The following RPS6KC1 variants were observed in gnomAD, a reference collection of about 807,000 sequenced individuals.
The protein encoded by RPS6KC1 is inactive ribosomal protein S6 kinase delta-1.
A neutral mutation model predicts 103.8 loss-of-function variants in RPS6KC1; 54 were observed. That is an observed-to-expected ratio of 0.52 (90% CI 0.42 to 0.65). The LOEUF (loss-of-function observed/expected upper bound fraction) is 0.65, where lower values mean the gene tolerates loss of function less well. Ranked by LOEUF, RPS6KC1 falls within the 30% of genes least tolerant of loss-of-function variation. The pLI is 0.00. For synonymous variants in RPS6KC1, 439 were observed against 438.7 expected, an observed-to-expected ratio of 1.00 and a Z score of -0.01; for missense variants, 1,151 against 1,253.8, an observed-to-expected ratio of 0.92 and a Z score of 1.24.
intron 3 of RPS6KC1, among the ~76,000 whole-genome samples, chr1:213,084,058 A>G (rs79178724): frequency 0.022 from 3,383 of 152,034 alleles, 120 homozygotes; most frequent in African/African-American, 0.077. Context: ...ATACTTTCCA[A>G]CCAGATTCAC....
At chr1:213,683,425 T>G in the RPS6KC1 span, among the ~76,000 whole-genome samples, 1 of 152,284 alleles carries the variant, frequency 6.6e-6, no homozygotes. Context: ...ACCAACCCTC[T>G]GTTATGAGAA....
the RPS6KC1 span, among the ~76,000 whole-genome samples, chr1:213,580,803 CATT>C: frequency 1.9e-4 from 29 of 151,790 alleles, 1 homozygote; most frequent in Non-Finnish European, 1.9e-4. Flanking sequence ...AAGGTGTAGA[CATT>C]ATTTTTTTAA....
At chr1:213,424,605 C>A in the RPS6KC1 span, among the ~76,000 whole-genome samples, 1 of 152,238 alleles carries the variant, frequency 6.6e-6, no homozygotes, top group Non-Finnish European at 1.5e-5. Context: ...GCGTTAGTGC[C>A]CATGCTCCCA....
the RPS6KC1 span, among the ~76,000 whole-genome samples, chr1:213,455,160 C>G: frequency 6.6e-6 from 1 of 152,194 alleles, no homozygotes; most frequent in African/African-American, 2.4e-5. Context: ...GACAGAAAAG[C>G]TCTTTAATTA....
At chr1:213,660,485 C>T in the RPS6KC1 span, among the ~76,000 whole-genome samples, 7 of 152,220 alleles carry the variant, frequency 4.6e-5, no homozygotes, top group Admixed American at 3.9e-4. Context: ...TTAGAAAAAC[C>T]AAAATCAGTC....
chr1:213,134,810 A>C (rs569301205), intron 6 of RPS6KC1, among the ~76,000 whole-genome samples: 5 of 152,242 alleles, frequency 3.3e-5, no homozygotes, highest in African/African-American at 1.2e-4. Flanking sequence ...TATTTAGGGA[A>C]TCTTAGAACC....
At chr1:213,392,895 C>T in the RPS6KC1 span, among the ~76,000 whole-genome samples, 17 of 152,186 alleles carry the variant, frequency 1.1e-4, no homozygotes, top group Admixed American at 1.3e-4. Flanking sequence ...ACCTAAAGTG[C>T]GGATGTTGGT....
At chr1:213,343,478 A>G in the RPS6KC1 span, among the ~76,000 whole-genome samples, 1 of 145,252 alleles carries the variant, frequency 6.9e-6, no homozygotes, top group African/African-American at 2.6e-5. Context: ...AAAAAGGAAC[A>G]AAATAATGAC....
chr1:213,254,030 C>T (rs998789538), intron 12 of RPS6KC1, among the ~76,000 whole-genome samples: 3 of 152,092 alleles, frequency 2.0e-5, no homozygotes, highest in African/African-American at 7.2e-5. Flanking sequence ...CATTATTTTT[C>T]TGAAAAATAT....
chr1:213,180,941 G>GCC (rs1573059127), intron 8 of RPS6KC1, among the ~76,000 whole-genome samples: 1 of 152,066 alleles, frequency 6.6e-6, no homozygotes, highest in East Asian at 1.9e-4. Flanking sequence ...GTATAAAGGA[G>GCC]CCCATAGTTT....
the RPS6KC1 span, among the ~76,000 whole-genome samples, chr1:213,504,072 ATATG>A: frequency 6.6e-6 from 1 of 152,206 alleles, no homozygotes; most frequent in African/African-American, 2.4e-5. Flanking sequence ...AATTAGAACT[ATATG>A]TATATATAGA....
the RPS6KC1 span, among the ~76,000 whole-genome samples, chr1:213,717,772 A>T: frequency 6.6e-6 from 1 of 152,230 alleles, no homozygotes; most frequent in Non-Finnish European, 1.5e-5. Context: ...GAATAGAATG[A>T]TGAGTATATT....
rs2085355562 is a variant in RPS6KC1, at chr1:213,129,569, T to C, written c.515T>C (p.Val172Ala). 2 of 1,613,536 alleles carry C rather than the reference T, an allele frequency of 1.2e-6. No homozygotes were observed. Among genetic ancestry groups the C allele is most frequent in the Admixed American group, 3.3e-5 (2 of 59,980 alleles). ...DSDLVSLTVD[V>A]DSLAELDDGM... ...GATCTGGTATCTCTTACTGTTGATG[T>C]GGATTCTCTTGCTGAGTTAGATGAT... Residue 172 changes from valine (V) to alanine (A), a missense_variant, in exon 6 of 15, where the codon GTG (valine) becomes GCG (alanine). Val to Ala is a moderately conservative substitution (Grantham distance 64). Transcript: ENST00000366960.
the RPS6KC1 span, among the ~76,000 whole-genome samples, chr1:213,324,593 C>CTTTTTTTTTTT: frequency 1.7e-3 from 140 of 81,810 alleles, 2 homozygotes; most frequent in African/African-American, 5.4e-3. Context: ...GCTCGATATG[C>CTTTTTTTTTTT]TTTTTTTTTT....
the RPS6KC1 span, among the ~76,000 whole-genome samples, chr1:213,833,961 T>C: frequency 6.6e-6 from 1 of 152,218 alleles, no homozygotes; most frequent in Non-Finnish European, 1.5e-5. Context: ...AATTCCTCTT[T>C]CACATGGAAA....
the RPS6KC1 span, among the ~76,000 whole-genome samples, chr1:213,554,731 A>C: frequency 6.6e-6 from 1 of 152,152 alleles, no homozygotes; most frequent in South Asian, 2.1e-4. Flanking sequence ...CGTTCTGATT[A>C]TAAGTACAGA....
chr1:213,470,466 C>T, the RPS6KC1 span, among the ~76,000 whole-genome samples: 10 of 152,288 alleles, frequency 6.6e-5, no homozygotes, highest in South Asian at 1.2e-3. Context: ...TGCATCCAGC[C>T]AGCCTGGTTG....
chr1:213,636,719 A>G, the RPS6KC1 span, among the ~76,000 whole-genome samples: 1 of 150,902 alleles, frequency 6.6e-6, no homozygotes, highest in South Asian at 2.1e-4. Context: ...GAACTTCATG[A>G]CTAAAACACC....
chr1:213,802,435 C>T, the RPS6KC1 span, among the ~76,000 whole-genome samples: 498 of 152,274 alleles, frequency 3.3e-3, 3 homozygotes, highest in African/African-American at 0.012. Context: ...ATTCTCAGTA[C>T]CAGTAAGACC....
Sources: allele counts gnomAD v4.1 joint callset (sites outside exome capture counted in the v4.1 genomes callset), GRCh38; gene constraint gnomAD v4.1.1; transcripts MANE v1.5; gene names NCBI Gene and HGNC (gene_info 2026-07-23, HGNC 2026-07-21).